The following ANKRD12 variants were observed in gnomAD, a reference collection of about 807,000 sequenced individuals.
The protein encoded by ANKRD12 is ankyrin repeat domain-containing protein 12.
Under a neutral mutation model 183.4 loss-of-function variants are expected in ANKRD12, and 85 were observed. The ratio of observed to expected loss-of-function variants is 0.46; its 90% CI spans 0.39 to 0.56. The LOEUF is 0.56. ANKRD12 is among the 20% of genes least tolerant of loss of function. The pLI, the probability that ANKRD12 is intolerant of heterozygous loss-of-function variation, is 0.00. For missense variants in ANKRD12, 2,405 were observed against 2,357.1 expected, an observed-to-expected ratio of 1.02 and a Z score of -0.42; for synonymous variants, 914 against 800.2, an observed-to-expected ratio of 1.14 and a Z score of -2.40.
chr18:9,265,376 C>G (rs1279043701), intron 10 of ANKRD12, among the ~76,000 whole-genome samples: 1 of 152,236 alleles, frequency 6.6e-6, no homozygotes, highest in African/African-American at 2.4e-5. Context: ...GGCACCCCCC[C>G]AGTAGGTGCA....
At chr18:9,276,241 A>G (rs2039827791) in intron 11 of ANKRD12, among the ~76,000 whole-genome samples, 1 of 152,094 alleles carries the variant, frequency 6.6e-6, no homozygotes, top group Non-Finnish European at 1.5e-5. Context: ...TAAAATTTTT[A>G]TAATAAACAG....
At chr18:9,204,290 T>C (rs536323009) in intron 3 of ANKRD12, among the ~76,000 whole-genome samples, 186 bp from the exon 4 acceptor site, 7 of 152,346 alleles carry the variant, frequency 4.6e-5, no homozygotes, top group Admixed American at 2.6e-4. Context: ...GTTGAAAAAT[T>C]TGAAATATTA....
chr18:9,256,325 A>G lies in ANKRD12; in HGVS notation c.3058A>G (p.Lys1020Glu). ...KTPDGKEKDKKDKDIDRYKER... is the reference protein window; with the variant it reads ...KTPDGKEKDKEDKDIDRYKER... ...TCCAGATGGAAAAGAAAAAGATAAA[A>G]AAGATAAAGATATAGATAGATACAA... The change falls in exon 9 of 13, where the codon AAA (lysine) becomes GAA (glutamate). Residue 1020 changes from lysine (K) to glutamate (E), a missense_variant. Lys to Glu is a moderately conservative substitution (Grantham distance 56). This residue lies in a region of ANKRD12 where 1,983 missense variants were observed against 1,725.9 expected (regional missense o/e 1.15). Coordinates refer to ENST00000262126, the MANE Select transcript of ANKRD12 (RefSeq NM_015208.5). 2 of 1,589,930 alleles carry G rather than the reference A, an allele frequency of 1.3e-6. No individual in the cohort carries two copies. Among genetic ancestry groups the G allele is most frequent in the Non-Finnish European group, 8.5e-7 (1 of 1,170,398 alleles).
chr18:9,208,835 T>C (rs1239099909), intron 5 of ANKRD12, 32 bp downstream of exon 5: 1 of 1,464,660 alleles, frequency 6.8e-7, no homozygotes, highest in Non-Finnish European at 9.1e-7. Flanking sequence ...TTAATGTGTA[T>C]CCCTAGTTTT....
intron 8 of ANKRD12, among the ~76,000 whole-genome samples, chr18:9,225,674 C>G (rs2036663163): frequency 6.6e-6 from 1 of 152,150 alleles, no homozygotes; most frequent in African/African-American, 2.4e-5. Context: ...CTGTCCACAA[C>G]CTTAGATCCT....
intron 1 of ANKRD12, among the ~76,000 whole-genome samples, chr18:9,176,597 C>T (rs771338996): frequency 5.9e-5 from 9 of 151,870 alleles, no homozygotes; most frequent in Non-Finnish European, 1.0e-4. Flanking sequence ...AGCCCAAACT[C>T]GGTTCTTAAG....
chr18:9,259,077 C>T (rs1412809787), intron 9 of ANKRD12, 146 bp downstream of exon 9: 5 of 992,722 alleles, frequency 5.0e-6, no homozygotes, highest in African/African-American at 3.3e-5. Flanking sequence ...AAGCTAGTAA[C>T]GTTCTTGTTT....
intron 9 of ANKRD12, among the ~76,000 whole-genome samples, chr18:9,263,509 CACTT>C (rs1237902049): frequency 2.6e-5 from 4 of 152,164 alleles, no homozygotes; most frequent in Non-Finnish European, 4.4e-5. Flanking sequence ...TGTGAGCTGT[CACTT>C]ACTGATGATC....
intron 10 of ANKRD12, among the ~76,000 whole-genome samples, chr18:9,273,351 C>T (rs1366336589): frequency 6.6e-6 from 1 of 152,066 alleles, no homozygotes; most frequent in Non-Finnish European, 1.5e-5. Flanking sequence ...TTGTGTGTGT[C>T]AGAGGTTTAC....
In ANKRD12 at chr18:9,285,145, C is replaced by T. The variant is rs574624020; in HGVS notation, c.*4019C>T. 1.3e-5 allele frequency: 2 copies of T among 151,016 alleles called. No homozygotes were observed. Among genetic ancestry groups the T allele is most frequent in the Admixed American group, 6.6e-5 (1 of 15,114 alleles). The allele number at this position is 151,016 out of a possible 1,614,324, so 9.4% of individuals were successfully genotyped here. A position where few individuals can be genotyped will look rare whatever the true frequency, so the allele number is the denominator to read the frequency against. On this transcript the variant is annotated 3_prime_UTR_variant, in exon 13 of 13. Transcript: ENST00000262126. ...AATGGCGTGAGCCTGGGAGGCGGAG[C>T]TTGCAGTGAGCCGAGATCGTGCCAC...
chr18:9,265,010 A>G (rs1056230909), intron 10 of ANKRD12, among the ~76,000 whole-genome samples: 3 of 152,242 alleles, frequency 2.0e-5, no homozygotes, highest in African/African-American at 7.2e-5. Flanking sequence ...TGCTACGCCC[A>G]CGGAGCCTCG....
chr18:9,150,045 C>T (rs1229142869), intron 1 of ANKRD12, among the ~76,000 whole-genome samples: 2 of 152,002 alleles, frequency 1.3e-5, no homozygotes, highest in African/African-American at 2.4e-5. Flanking sequence ...GATCTCGCCT[C>T]GGCCTCACAA....
At chr18:9,242,463 CA>C (rs5823047) in intron 8 of ANKRD12, among the ~76,000 whole-genome samples, 3 of 150,712 alleles carry the variant, frequency 2.0e-5, no homozygotes, top group South Asian at 2.1e-4. Flanking sequence ...TATATGCATA[CA>C]AAAAAAAATG....
chr18:9,164,283 G>A (rs944335183), intron 1 of ANKRD12, among the ~76,000 whole-genome samples: 3 of 152,076 alleles, frequency 2.0e-5, no homozygotes, highest in Admixed American at 6.6e-5. Flanking sequence ...ATAATCATGT[G>A]GTGTCTGTCT....
At chr18:9,195,842 G>A in intron 3 of ANKRD12, 144 bp downstream of exon 3, 2 of 772,912 alleles carry the variant, frequency 2.6e-6, no homozygotes, top group Non-Finnish European at 3.8e-6. Flanking sequence ...TTTGGGGTAG[G>A]AATTCCATCT....
At position 9,258,882 on chromosome 18, in the gene ANKRD12, G is replaced by T; in HGVS notation, c.5615G>T (p.Gly1872Val). ...TATGACGAATATGTAACATTTAACG[G>T]ATCATATCTCCTGGATGGAAACCCC... is the stretch of plus-strand genomic sequence containing the variant. ...QYYDEYVTFNGSYLLDGNPLS... is the reference protein window; with the variant it reads ...QYYDEYVTFNVSYLLDGNPLS... The change falls in exon 9 of 13, where the codon GGA (glycine) becomes GTA (valine). Residue 1872 changes from glycine to valine, a missense_variant. By Grantham distance (109) the Gly-to-Val change is moderately radical. Coordinates refer to ENST00000262126, the MANE Select transcript of ANKRD12 (RefSeq NM_015208.5). 6.2e-7 allele frequency: 1 copy of T among 1,612,240 alleles called. No homozygotes were observed. Among genetic ancestry groups the T allele is most frequent in the Non-Finnish European group, 8.5e-7 (1 of 1,179,232 alleles).
At chr18:9,280,295 C>T (rs1284320852) in intron 12 of ANKRD12, among the ~76,000 whole-genome samples, 1 of 152,148 alleles carries the variant, frequency 6.6e-6, no homozygotes, top group Non-Finnish European at 1.5e-5. Flanking sequence ...AATGCCGTTG[C>T]TGATCTAACA....
chr18:9,242,841 TA>T (rs2037740688), intron 8 of ANKRD12, among the ~76,000 whole-genome samples: 1 of 152,176 alleles, frequency 6.6e-6, no homozygotes, highest in African/African-American at 2.4e-5. Flanking sequence ...CTTAAAGTCT[TA>T]ACTGTAATCT....
chr18:9,240,192 C>T (rs1053690603), intron 8 of ANKRD12, among the ~76,000 whole-genome samples: 4 of 152,124 alleles, frequency 2.6e-5, no homozygotes, highest in Non-Finnish European at 5.9e-5. Flanking sequence ...AGTTTTATGT[C>T]ATGTGTATCA....
Sources: gnomAD v4.1 joint callset for allele counts (sites outside exome capture counted in the v4.1 genomes callset) on GRCh38, gnomAD v4.1.1 for gene constraint, gnomAD v4.1.1 regional missense constraint, MANE v1.5 for transcripts, NCBI Gene and HGNC (gene_info 2026-07-23, HGNC 2026-07-21) for gene names.